LRRC7: variants seen among roughly 807,000 people sequenced by gnomAD.
LRRC7 encodes the protein leucine-rich repeat-containing protein 7.
A neutral mutation model predicts 175.7 loss-of-function variants in LRRC7; 23 were observed. That is an observed-to-expected ratio of 0.13 (90% CI 0.09 to 0.19). The LOEUF (loss-of-function observed/expected upper bound fraction) is 0.19, where lower values mean the gene tolerates loss of function less well. Among genes scored for constraint, LRRC7 ranks in the 10% least tolerant of loss-of-function variants. LRRC7 has a pLI of 1.00. For missense variants in LRRC7, 1,354 were observed against 1,904.7 expected (o/e 0.71, Z 5.38); for synonymous variants, 685 against 680.9 (o/e 1.01, Z -0.09).
At chr1:69,569,055 T>A (rs1044954578) in intron 1 of LRRC7, among the ~76,000 whole-genome samples, 3 of 128,602 alleles carry the variant, frequency 2.3e-5, no homozygotes, top group African/African-American at 8.9e-5. Flanking sequence ...ATGAAGCGCG[T>A]GTTTGATCGT....
intron 4 of LRRC7, among the ~76,000 whole-genome samples, chr1:69,803,565 C>T (rs1676769565): frequency 6.6e-6 from 1 of 151,324 alleles, no homozygotes; most frequent in Admixed American, 6.6e-5. Flanking sequence ...TATGTAGAAA[C>T]ATTACTAATT....
At chr1:69,781,702 AG>A (rs1557719081) in intron 3 of LRRC7, among the ~76,000 whole-genome samples, 2 of 25,396 alleles carry the variant, frequency 7.9e-5, no homozygotes, top group African/African-American at 5.1e-4. Context: ...AAAGAAAGAA[AG>A]AAAGAAAGAA....
chr1:69,787,416 T>A (rs1461793521), intron 3 of LRRC7, among the ~76,000 whole-genome samples: 3 of 152,186 alleles, frequency 2.0e-5, no homozygotes, highest in African/African-American at 7.2e-5. Context: ...GACCCCACAT[T>A]TCCCCTCTGC....
intron 2 of LRRC7, among the ~76,000 whole-genome samples, chr1:69,751,543 A>G (rs781181059): frequency 2.4e-4 from 36 of 152,162 alleles, no homozygotes; most frequent in Non-Finnish European, 4.1e-4. Context: ...AATCAAAACA[A>G]CAAATTATGA....
At chr1:69,918,622 C>A (rs1019431387) in intron 7 of LRRC7, among the ~76,000 whole-genome samples, 12 of 151,966 alleles carry the variant, frequency 7.9e-5, no homozygotes, top group African/African-American at 2.9e-4. Context: ...GAAATACAGC[C>A]AATAATACTG....
chr1:69,578,843 A>G (rs1340937407), intron 1 of LRRC7, among the ~76,000 whole-genome samples: 3 of 149,934 alleles, frequency 2.0e-5, no homozygotes, highest in Admixed American at 2.0e-4. Flanking sequence ...CCTAATGCTA[A>G]ATGACGAGTT....
At chr1:69,983,023 CT>C (rs1488300446) in intron 9 of LRRC7, among the ~76,000 whole-genome samples, 2 of 152,162 alleles carry the variant, frequency 1.3e-5, no homozygotes, top group Admixed American at 6.5e-5. Flanking sequence ...AATAAATTTT[CT>C]CATGATATCT....
chr1:69,650,021 A>G (rs974508717), intron 1 of LRRC7, among the ~76,000 whole-genome samples: 3 of 152,256 alleles, frequency 2.0e-5, no homozygotes, highest in East Asian at 3.9e-4. Flanking sequence ...AGAATCCATC[A>G]ATGTTTTCCA....
chr1:69,632,488 T>G (rs1652671972), intron 1 of LRRC7, among the ~76,000 whole-genome samples: 1 of 152,210 alleles, frequency 6.6e-6, no homozygotes, highest in African/African-American at 2.4e-5. Context: ...ATTAGAGAGA[T>G]AAAGCCCACT....
At chr1:69,929,738 T>C (rs988773608) in intron 7 of LRRC7, among the ~76,000 whole-genome samples, 5 of 152,218 alleles carry the variant, frequency 3.3e-5, no homozygotes, top group Non-Finnish European at 5.9e-5. Context: ...ATCACAGATA[T>C]TCTTCTAAAA....
intron 7 of LRRC7, among the ~76,000 whole-genome samples, chr1:69,923,267 G>T (rs1331903852): frequency 6.6e-6 from 1 of 152,136 alleles, no homozygotes. Context: ...GAATAGTGCT[G>T]CAATAAACAT....
At chr1:69,951,095 CA>C (rs111949472) in intron 8 of LRRC7, among the ~76,000 whole-genome samples, 3,622 of 128,858 alleles carry the variant, frequency 0.028, 138 homozygotes, top group African/African-American at 0.093. Flanking sequence ...AACAAATTTA[CA>C]AAAAAAAAAA....
At chr1:69,721,941 C>CA (rs936753129) in intron 2 of LRRC7, among the ~76,000 whole-genome samples, 9 of 151,488 alleles carry the variant, frequency 5.9e-5, no homozygotes, top group Admixed American at 1.3e-4. Context: ...CACTGTCATG[C>CA]AAAAAAATCA....
At chr1:69,978,762 A>G (rs758497095) in intron 8 of LRRC7, among the ~76,000 whole-genome samples, 7 of 152,018 alleles carry the variant, frequency 4.6e-5, no homozygotes, top group South Asian at 2.1e-4. Context: ...ATAACCTCCA[A>G]TGACCTACAA....
intron 2 of LRRC7, among the ~76,000 whole-genome samples, chr1:69,743,415 G>C (rs749649660): frequency 6.6e-5 from 10 of 152,100 alleles, no homozygotes; most frequent in Non-Finnish European, 1.3e-4. Flanking sequence ...GCAAAAGCAC[G>C]GAAGAATGCA....
At chr1:69,897,146 G>A (rs896629923) in intron 7 of LRRC7, among the ~76,000 whole-genome samples, 2 of 152,018 alleles carry the variant, frequency 1.3e-5, no homozygotes, top group South Asian at 2.1e-4. Flanking sequence ...TTATAAACAG[G>A]GAAACTGAGG....
chr1:69,648,351 C>T (rs1655300723), intron 1 of LRRC7, among the ~76,000 whole-genome samples: 1 of 152,046 alleles, frequency 6.6e-6, no homozygotes, highest in African/African-American at 2.4e-5. Context: ...ACAGGGAGAT[C>T]TCCTGAGGAA....
intron 3 of LRRC7, among the ~76,000 whole-genome samples, chr1:69,789,484 C>A (rs565712231): frequency 1.3e-5 from 2 of 151,956 alleles, no homozygotes; most frequent in African/African-American, 4.8e-5. Context: ...TAATTCAAAG[C>A]TTTCGAATCT....
intron 1 of LRRC7, among the ~76,000 whole-genome samples, chr1:69,574,393 T>A (rs533397757): frequency 6.6e-6 from 1 of 152,238 alleles, no homozygotes; most frequent in African/African-American, 2.4e-5. Flanking sequence ...CAGGATTTTA[T>A]GTTATTATAT....
Sources: gnomAD v4.1 joint callset for allele counts (sites outside exome capture counted in the v4.1 genomes callset) on GRCh38, gnomAD v4.1.1 for gene constraint, MANE v1.5 for transcripts, NCBI Gene and HGNC (gene_info 2026-07-23, HGNC 2026-07-21) for gene names.